SMC5: variants seen among roughly 807,000 people sequenced by gnomAD.
SMC5 encodes structural maintenance of chromosomes 5, also known as structural maintenance of chromosomes protein 5.
In SMC5, 88 loss-of-function variants were observed where a neutral mutation model predicts 148.3. The ratio of observed to expected loss-of-function variants is 0.59; its 90% CI spans 0.50 to 0.71. The LOEUF is 0.71. Ranked by LOEUF, SMC5 falls within the 30% of genes least tolerant of loss-of-function variation. The probability of loss-of-function intolerance (pLI) is 0.00; values close to 1 mark genes in which losing one functional copy is unlikely to be tolerated. For missense variants in SMC5, 1,142 were observed against 1,298.9 expected (o/e 0.88, Z 1.86); for synonymous variants, 421 against 432.8 (o/e 0.97, Z 0.34).
intron 20 of SMC5, 118 bp downstream of exon 20, chr9:70,347,279 C>T: frequency 1.5e-6 from 1 of 684,846 alleles, no homozygotes; most frequent in Non-Finnish European, 2.4e-6. Flanking sequence ...TACTAGAGCT[C>T]TTGGTAATAA....
At position 70,333,791 on chromosome 9, in the gene SMC5, C is replaced by T. The variant is rs192311369; in HGVS notation, c.2397+9648C>T. Among the ~76,000 whole-genome samples the T allele has an allele frequency of 2.6e-3, 394 of 152,124 alleles. 2 individuals are homozygous for T. Among genetic ancestry groups the T allele is most frequent in the African/African-American group, 9.1e-3 (378 of 41,506 alleles). On this transcript the variant is annotated intron_variant, in intron 17 of 24. Coordinates refer to ENST00000361138, the MANE Select transcript of SMC5 (RefSeq NM_015110.4). ...TAAAAGACTTGTATCCTGAAAACTACGAAAATTTGATGAGAGAAAACTTTG... is the reference window on the plus strand; with the variant it reads ...TAAAAGACTTGTATCCTGAAAACTATGAAAATTTGATGAGAGAAAACTTTG...
At chr9:70,270,509 T>TA in intron 3 of SMC5, among the ~76,000 whole-genome samples, 1 of 152,254 alleles carries the variant, frequency 6.6e-6, no homozygotes, top group Admixed American at 6.5e-5. Context: ...TTCATGGCTT[T>TA]ATCTTTCTGG....
intron 24 of SMC5, among the ~76,000 whole-genome samples, chr9:70,351,743 G>A (rs1009025246): frequency 1.3e-5 from 2 of 152,112 alleles, no homozygotes; most frequent in Non-Finnish European, 2.9e-5. Flanking sequence ...AAGGATTACA[G>A]TCTGGCAAGG....
intron 1 of SMC5, among the ~76,000 whole-genome samples, chr9:70,261,445 G>T (rs1225233124): frequency 6.6e-6 from 1 of 152,204 alleles, no homozygotes; most frequent in Non-Finnish European, 1.5e-5. Flanking sequence ...GAGGAATGCA[G>T]CATTTTTCCC....
intron 11 of SMC5, among the ~76,000 whole-genome samples, chr9:70,307,131 G>A (rs1248485822): frequency 2.0e-5 from 3 of 152,160 alleles, no homozygotes; most frequent in African/African-American, 7.2e-5. Context: ...GGTGGTTCAT[G>A]CCTCTAATCC....
chr9:70,296,138 G>A (rs978927242), intron 8 of SMC5, among the ~76,000 whole-genome samples: 1 of 152,078 alleles, frequency 6.6e-6, no homozygotes, highest in African/African-American at 2.4e-5. Context: ...AACAGGAGAT[G>A]GGATAAAATG....
rs144424010 is a variant in SMC5 at position 70,314,377 on chromosome 9, G to T, written c.1579-365G>T. Reference sequence around the variant, plus strand: ...CCATCTCCAGTGCCTTAAGATAATTGTTTTTAAAATTTTGGCCAGAGTTTA... The same window carrying T: ...CCATCTCCAGTGCCTTAAGATAATTTTTTTTAAAATTTTGGCCAGAGTTTA... On this transcript the variant is annotated intron_variant, in intron 11 of 24. Coordinates refer to ENST00000361138, the MANE Select transcript of SMC5 (RefSeq NM_015110.4). Among the ~76,000 whole-genome samples the T allele has an allele frequency of 4.6e-3, 693 of 152,160 alleles. 7 individuals are homozygous for T. Among genetic ancestry groups the T allele is most frequent in the African/African-American group, 0.016 (669 of 41,504 alleles).
intron 8 of SMC5, among the ~76,000 whole-genome samples, chr9:70,296,714 T>C (rs1263623861): frequency 1.3e-5 from 2 of 152,206 alleles, no homozygotes; most frequent in Non-Finnish European, 2.9e-5. Flanking sequence ...ACAGATTATG[T>C]GATGTGTTAA....
chr9:70,346,747 CT>C, intron 19 of SMC5, 98 bp downstream of exon 19: 2 of 1,236,250 alleles, frequency 1.6e-6, no homozygotes, highest in Non-Finnish European at 2.4e-6. Flanking sequence ...AATTCTAGGC[CT>C]TTGAATTCTC....
chr9:70,300,691 C>T (rs1029530173), intron 10 of SMC5, among the ~76,000 whole-genome samples: 1 of 151,906 alleles, frequency 6.6e-6, no homozygotes, highest in Non-Finnish European at 1.5e-5. Context: ...TTGATGATTG[C>T]GGGTCATCAA....
Position 70,354,407 on chromosome 9 carries a change from A to T in SMC5, c.*2076A>T, listed in dbSNP as rs2036863230. On this transcript the variant is annotated 3_prime_UTR_variant, in exon 25 of 25. Transcript: ENST00000361138. Reference sequence around the variant, plus strand: ...CACCCAGCTAATTTTTTATACTTTTAGTAGAGATGGGGTTTCAGCATATTG... The same window carrying T: ...CACCCAGCTAATTTTTTATACTTTTTGTAGAGATGGGGTTTCAGCATATTG... 1 of 152,090 alleles carries T rather than the reference A, an allele frequency of 6.6e-6. No homozygotes were observed. The highest frequency in any genetic ancestry group is 2.1e-4 in the South Asian group (1 of 4,826). The allele number at this position is 152,090 out of a possible 1,614,324, so 9.4% of individuals were successfully genotyped here.
In SMC5 at chr9:70,264,450, G is replaced by T. The variant is rs777584737; in HGVS notation, c.327+5G>T. The T allele has an allele frequency of 2.5e-6, 4 of 1,611,300 alleles. No homozygotes were observed. Among genetic ancestry groups the T allele is most frequent in the Admixed American group, 3.4e-5 (2 of 59,356 alleles). On this transcript the variant is annotated splice_donor_5th_base_variant and intron_variant, in intron 2 of 24. Coordinates refer to ENST00000361138, the MANE Select transcript of SMC5 (RefSeq NM_015110.4). ...TTCATGGGACGAGCAGATAAGGTGA[G>T]TTAATATAATTACTTTTTAAGAAAT...
chr9:70,326,306 A>G (rs2036073247), intron 17 of SMC5, among the ~76,000 whole-genome samples: 1 of 152,150 alleles, frequency 6.6e-6, no homozygotes, highest in Non-Finnish European at 1.5e-5. Context: ...AAATTTGCTA[A>G]CAGTCATTGA....
chr9:70,296,347 A>G (rs1271874229), intron 8 of SMC5, among the ~76,000 whole-genome samples: 3 of 152,178 alleles, frequency 2.0e-5, no homozygotes, highest in Admixed American at 2.0e-4. Flanking sequence ...AGATCACTTG[A>G]GGCCAGGAAT....
At chr9:70,276,477 T>C (rs2034594949) in intron 3 of SMC5, among the ~76,000 whole-genome samples, 1 of 152,218 alleles carries the variant, frequency 6.6e-6, no homozygotes, top group African/African-American at 2.4e-5. Flanking sequence ...GGAGGATCAG[T>C]AAGGGTACTT....
In SMC5 at chr9:70,347,176, C is replaced by G; in HGVS notation, c.2664+15C>G. On this transcript the variant is annotated intron_variant, in intron 20 of 24. Transcript: ENST00000361138. Reference sequence around the variant, plus strand: ...TGAATCCTACAGTATGCCTGTTTCTCTATTCCCATTCTGCATCCAACCACC... The same window carrying G: ...TGAATCCTACAGTATGCCTGTTTCTGTATTCCCATTCTGCATCCAACCACC... The G allele has an allele frequency of 6.2e-7, 1 of 1,607,732 alleles. No individual in the cohort carries two copies. The highest frequency in any genetic ancestry group is 8.5e-7 in the Non-Finnish European group (1 of 1,174,686).
rs1382271669 is a variant in SMC5, at chr9:70,352,820, TTTC to T, written c.*493_*495del. The T allele has an allele frequency of 1.3e-5, 2 of 152,162 alleles. No individual in the cohort carries two copies. Among genetic ancestry groups the T allele is most frequent in the East Asian group, 1.9e-4 (1 of 5,196 alleles). 9.4% of individuals were successfully genotyped at this position (152,162 alleles called of 1,614,324 possible). Reference sequence around the variant, plus strand: ...TAATAATTTATGACAGATCTAGTCATTTCTTCCTATTAAAAAAGATTACCTTAT... The same window carrying T: ...TAATAATTTATGACAGATCTAGTCATTTCCTATTAAAAAAGATTACCTTAT... On this transcript the variant is annotated 3_prime_UTR_variant, in exon 25 of 25. Coordinates refer to ENST00000361138, the MANE Select transcript of SMC5 (RefSeq NM_015110.4).
chr9:70,280,428 G>C (rs574934657), intron 5 of SMC5, among the ~76,000 whole-genome samples: 1 of 152,110 alleles, frequency 6.6e-6, no homozygotes, highest in East Asian at 1.9e-4. Context: ...TTTATATTAA[G>C]TGAATTGCTT....
intron 22 of SMC5, 27 bp downstream of exon 22, chr9:70,348,065 A>G (rs1211913829): frequency 1.3e-6 from 2 of 1,509,854 alleles, no homozygotes; most frequent in Non-Finnish European, 8.9e-7. Flanking sequence ...AATAAATAAT[A>G]TTTCTGGCAA....
Sources: allele counts gnomAD v4.1 joint callset (sites outside exome capture counted in the v4.1 genomes callset), GRCh38; gene constraint gnomAD v4.1.1; transcripts MANE v1.5; gene names NCBI Gene and HGNC (gene_info 2026-07-23, HGNC 2026-07-21).